CBARP: variants seen among roughly 807,000 people sequenced by gnomAD.
CBARP encodes voltage-dependent calcium channel beta subunit-associated regulatory protein.
Under a neutral mutation model 36.3 loss-of-function variants are expected in CBARP, and 24 were observed. That is an observed-to-expected ratio of 0.66 (90% confidence interval 0.48 to 0.93). The LOEUF (loss-of-function observed/expected upper bound fraction) is 0.93, where lower values mean the gene tolerates loss of function less well. Among genes scored for constraint, CBARP ranks in the 40% least tolerant of loss-of-function variants. The pLI, the probability that CBARP is intolerant of heterozygous loss-of-function variation, is 0.00. For synonymous variants in CBARP, 586 were observed against 453.2 expected (o/e 1.29, Z -3.72); for missense variants, 1,146 against 980.4 (o/e 1.17, Z -2.26).
At position 1,234,259 on chromosome 19, in the gene CBARP, C is replaced by G. The variant is rs2080932648; in HGVS notation, c.700G>C (p.Ala234Pro). The stretch of plus-strand genomic sequence containing the variant: ...TCTGCGAAGTCAGTGGCGCCCGCGG[C>G]TGAGTTGTAGGGGTCACCTGGCAGG... ...SALPGDPYNSAAGATDFAEIS... is the reference protein window; with the variant it reads ...SALPGDPYNSPAGATDFAEIS... Residue 234 changes from alanine (A) to proline (P), a missense_variant, in exon 7 of 10, where the codon GCC becomes CCC. Ala to Pro is a conservative substitution (Grantham distance 27, BLOSUM62 -1). Coordinates refer to ENST00000650044, the MANE Select transcript of CBARP (RefSeq NM_001393918.1). 6.8e-7 allele frequency: 1 copy of G among 1,472,682 alleles called. No homozygotes were observed. The highest frequency in any genetic ancestry group is 1.4e-5 in the African/African-American group (1 of 70,564). 91.2% of individuals were successfully genotyped at this position (1,472,682 alleles called of 1,614,324 possible).
intron 9 of CBARP, chr19:1,230,574 A>G: frequency 8.8e-7 from 1 of 1,136,372 alleles, no homozygotes; most frequent in Non-Finnish European, 1.1e-6. Flanking sequence ...GACAGTGCAC[A>G]GACGTGAGGG....
At position 1,234,671 on chromosome 19, in the gene CBARP, A is replaced by AG; in HGVS notation, c.526dup (p.Leu176ProfsTer10). 1 of 1,612,530 alleles carries AG rather than the reference A, an allele frequency of 6.2e-7. No homozygotes were observed. The highest frequency in any genetic ancestry group is 1.1e-5 in the South Asian group (1 of 90,738). On this transcript the variant is annotated frameshift_variant, in exon 6 of 10. Coordinates refer to ENST00000650044, the MANE Select transcript of CBARP (RefSeq NM_001393918.1). LOFTEE classifies it high-confidence loss of function. ...ACACTCGTGGATGGTGACAATCTTG[A>AG]GGGGCGGCAGGTGCAGGTGCGTGAG...
chr19:1,236,792 C>A (rs1018977086), intron 1 of CBARP, among the ~76,000 whole-genome samples: 10 of 144,164 alleles, frequency 6.9e-5, no homozygotes, highest in Admixed American at 2.1e-4. Context: ...CGGAGCAGGC[C>A]GCGGCTGGGG....
intron 3 of CBARP, 103 bp downstream of exon 3, chr19:1,235,676 A>G (rs2080959546): frequency 6.3e-7 from 1 of 1,593,836 alleles, no homozygotes; most frequent in Admixed American, 1.7e-5. Context: ...CTCCAGAGGC[A>G]TAGCCCACCC....
chr19:1,231,465 C>CCA (rs560495764), intron 8 of CBARP, among the ~76,000 whole-genome samples, 190 bp from the exon 9 acceptor site: 1 of 114,772 alleles, frequency 8.7e-6, no homozygotes, highest in East Asian at 3.3e-4. Context: ...TGGGCCCCCC[C>CCA]CACACACAGA....
rs1206190438 is a variant in CBARP at position 1,233,427 on chromosome 19, T to C, written c.978A>G (p.Arg326=). The change falls in exon 8 of 10, where the codon AGA becomes AGG. Residue 326 remains arginine, a splice_region_variant and synonymous_variant. Coordinates refer to ENST00000650044, the MANE Select transcript of CBARP (RefSeq NM_001393918.1). ...PSQRAASLDT[R]GSPKRHHFQR... ...TCTCCACCAGGTGCTACAGCTCACC[T>C]CTCGTGTCCAGACTGGCTGCCCGCT... 1.3e-6 allele frequency: 2 copies of C among 1,586,478 alleles called. No homozygotes were observed. Among genetic ancestry groups the C allele is most frequent in the East Asian group, 2.3e-5 (1 of 43,564 alleles).
At chr19:1,231,041 G>A (rs763362020) in intron 9 of CBARP, 60 bp downstream of exon 9, 9 of 1,557,150 alleles carry the variant, frequency 5.8e-6, no homozygotes, top group Middle Eastern at 1.7e-4. Flanking sequence ...CCTAGGGGGG[G>A]GCGAAGGGGG....
At chr19:1,230,356 T>G in intron 9 of CBARP, 1 of 986,852 alleles carries the variant, frequency 1.0e-6, no homozygotes, top group Non-Finnish European at 1.2e-6. Flanking sequence ...TTAAGCAGGG[T>G]GCCTCCATGC....
chr19:1,228,340 G>A lies in CBARP; in HGVS notation c.*839C>T, dbSNP rs2080844209. The stretch of plus-strand genomic sequence containing the variant: ...AAAGAAAAACACGAGAAACGCCATC[G>A]CGGGATGGTGCAGACGCGGCGGGGA... On this transcript the variant is annotated 3_prime_UTR_variant, in exon 10 of 10. Transcript: ENST00000650044. 4.0e-6 allele frequency: 1 copy of A among 247,596 alleles called. No individual in the cohort carries two copies. The highest frequency in any genetic ancestry group is 7.6e-6 in the Non-Finnish European group (1 of 131,584). The allele number at this position is 247,596 out of a possible 1,614,324, so 15.3% of individuals were successfully genotyped here.
At position 1,234,278 on chromosome 19, in the gene CBARP, T is replaced by A; in HGVS notation, c.681A>T (p.Pro227=). The A allele has an allele frequency of 6.9e-7, 1 of 1,454,672 alleles. No individual in the cohort carries two copies. Among genetic ancestry groups the A allele is most frequent in the Non-Finnish European group, 9.1e-7 (1 of 1,101,132 alleles). 90.1% of individuals were successfully genotyped at this position (1,454,672 alleles called of 1,614,324 possible). Residue 227 remains proline (P), a synonymous_variant, in exon 7 of 10, where the codon CCA becomes CCT. Transcript: ENST00000650044. ...CCGCGGCTGAGTTGTAGGGGTCACC[T>A]GGCAGGGCGGAGCTGGGGCCCACAG... The part of the protein sequence containing the change: ...GRSVGPSSAL[P]GDPYNSAAGA...
chr19:1,233,908 C>T (rs1389730604), intron 7 of CBARP, among the ~76,000 whole-genome samples: 5 of 152,328 alleles, frequency 3.3e-5, no homozygotes, highest in South Asian at 2.1e-4. Flanking sequence ...TCGCCCACGG[C>T]GTGGGCTGCA....
At chr19:1,233,077 C>T (rs1388257753) in intron 8 of CBARP, among the ~76,000 whole-genome samples, 1 of 152,246 alleles carries the variant, frequency 6.6e-6, no homozygotes, top group African/African-American at 2.4e-5. Flanking sequence ...ATGCAGGCCA[C>T]AGGCCCCACC....
At chr19:1,237,326 G>A (rs922355327) in intron 1 of CBARP, among the ~76,000 whole-genome samples, 1 of 152,204 alleles carries the variant, frequency 6.6e-6, no homozygotes, top group African/African-American at 2.4e-5. Flanking sequence ...CAGGCTGGAG[G>A]GGGTGGGGAC....
intron 9 of CBARP, chr19:1,230,765 T>TGGGTG (rs2080879055): frequency 7.4e-7 from 1 of 1,355,936 alleles, no homozygotes; most frequent in South Asian, 1.9e-5. Context: ...CTTGGGAGCA[T>TGGGTG]GGGCGGGGCG....
At position 1,236,061 on chromosome 19, in the gene CBARP, TGGTGGTGGC is replaced by T; in HGVS notation, c.31_39del (p.Ala11_Thr13del). 6.6e-7 allele frequency: 1 copy of T among 1,518,316 alleles called. No homozygotes were observed. Among genetic ancestry groups the T allele is most frequent in the Non-Finnish European group, 8.8e-7 (1 of 1,136,800 alleles). 94.1% of individuals were successfully genotyped at this position (1,518,316 alleles called of 1,614,324 possible). On this transcript the variant is annotated inframe_deletion, in exon 2 of 10. Coordinates refer to ENST00000650044, the MANE Select transcript of CBARP (RefSeq NM_001393918.1). Reference sequence around the variant, plus strand: ...GCTACTGTGGCAGTGGTGGTGGTGGTGGTGGTGGCGGCTGTGGCCATGGTGGCTGTGGGC... The same window carrying T: ...GCTACTGTGGCAGTGGTGGTGGTGGTGGCTGTGGCCATGGTGGCTGTGGGC...
chr19:1,236,110 G>T lies in CBARP; in HGVS notation c.-10C>A, dbSNP rs1224195207. 6.9e-7 allele frequency: 1 copy of T among 1,443,222 alleles called. No homozygotes were observed. The highest frequency in any genetic ancestry group is 2.8e-5 in the Admixed American group (1 of 35,900). The allele number at this position is 1,443,222 out of a possible 1,614,324, so 89.4% of individuals were successfully genotyped here. ...TGGCTGTGGGCTGCATTCTGAACTG[G>T]GGAGGAGGGCCCTGTGGGGAGGAAG... On this transcript the variant is annotated 5_prime_UTR_variant, in exon 2 of 10. Transcript: ENST00000650044.
chr19:1,229,566 G>A lies in CBARP; in HGVS notation c.1731C>T (p.Ala577=). 9.2e-7 allele frequency: 1 copy of A among 1,090,236 alleles called. No homozygotes were observed. Among genetic ancestry groups the A allele is most frequent in the South Asian group, 1.9e-5 (1 of 52,746 alleles). The allele number at this position is 1,090,236 out of a possible 1,614,324, so 67.5% of individuals were successfully genotyped here. ...ARHRARAHPH[A]RKQWQRGRQH... is the part of the protein sequence containing the mutation. Reference sequence around the variant, plus strand: ...GCCGGCCACGCTGCCACTGTTTGCGGGCGTGCGGGTGCGCGCGGGCGCGGT... The same window carrying A: ...GCCGGCCACGCTGCCACTGTTTGCGAGCGTGCGGGTGCGCGCGGGCGCGGT... Residue 577 remains alanine (A), a synonymous_variant, in exon 10 of 10, where the codon GCC becomes GCT. Transcript: ENST00000650044. The surrounding 1 kb of genome is among the most constrained non-coding windows in gnomAD (Gnocchi z 5.1).
chr19:1,236,980 G>A (rs1310623111), intron 1 of CBARP, among the ~76,000 whole-genome samples: 2 of 152,016 alleles, frequency 1.3e-5, no homozygotes, highest in African/African-American at 4.8e-5. Context: ...AACTGAGGCG[G>A]GGCGCGGCAC....
At chr19:1,235,681 C>T (rs2080959629) in intron 3 of CBARP, 98 bp downstream of exon 3, 2 of 1,595,294 alleles carry the variant, frequency 1.3e-6, no homozygotes, top group Non-Finnish European at 1.7e-6. Context: ...GAGGCATAGC[C>T]CACCCTGTGA....
Sources: gnomAD v4.1 joint callset for allele counts (sites outside exome capture counted in the v4.1 genomes callset) on GRCh38, gnomAD v4.1.1 for gene constraint, Gnocchi (gnomAD v3.1) non-coding constraint, MANE v1.5 for transcripts, NCBI Gene and HGNC (gene_info 2026-07-23, HGNC 2026-07-21) for gene names.